The following GRIK2 variants were observed in gnomAD, a reference collection of about 807,000 sequenced individuals.
GRIK2 encodes glutamate receptor ionotropic, kainate 2.
Under a neutral mutation model 100.3 loss-of-function variants are expected in GRIK2, and 32 were observed. The observed-to-expected ratio is 0.32, with a 90% confidence interval of 0.24 to 0.43. The LOEUF (loss-of-function observed/expected upper bound fraction) is 0.43. Among genes scored for constraint, GRIK2 ranks in the 20% least tolerant of loss-of-function variants. The pLI, the probability that GRIK2 is intolerant of heterozygous loss-of-function variation, is 1.00. For missense variants in GRIK2, 843 were observed against 1,114.9 expected, an observed-to-expected ratio of 0.76 and a Z score of 3.47; for synonymous variants, 417 against 389.4, an observed-to-expected ratio of 1.07 and a Z score of -0.83.
chr6:101,471,913 C>A (rs1169583084), intron 2 of GRIK2, among the ~76,000 whole-genome samples: 3 of 151,800 alleles, frequency 2.0e-5, no homozygotes, highest in Non-Finnish European at 2.9e-5. Flanking sequence ...ATATATTAAG[C>A]ATTCAAGATG....
intron 10 of GRIK2, among the ~76,000 whole-genome samples, chr6:101,836,091 C>T (rs1178502753): frequency 2.0e-5 from 3 of 151,476 alleles, no homozygotes; most frequent in Non-Finnish European, 4.4e-5. Flanking sequence ...AGGCATTACT[C>T]CATTGCCTTT....
intron 4 of GRIK2, among the ~76,000 whole-genome samples, chr6:101,633,795 G>A (rs1426915743): frequency 6.6e-6 from 1 of 152,048 alleles, no homozygotes; most frequent in African/African-American, 2.4e-5. Context: ...GAAAGAAACA[G>A]AAGAAACACG....
chr6:102,034,116 T>C (rs1770138453), intron 14 of GRIK2, among the ~76,000 whole-genome samples: 1 of 151,266 alleles, frequency 6.6e-6, no homozygotes, highest in African/African-American at 2.4e-5. Flanking sequence ...ATGTTCAGTG[T>C]TTCACTGGGG....
At chr6:101,402,258 A>C (rs1027275209) in intron 2 of GRIK2, among the ~76,000 whole-genome samples, 7 of 152,020 alleles carry the variant, frequency 4.6e-5, no homozygotes, top group Non-Finnish European at 8.8e-5. Context: ...ACACACACAC[A>C]TTCTCTCACA....
intron 12 of GRIK2, among the ~76,000 whole-genome samples, chr6:101,898,065 TAAAGAG>T (rs1787589148): frequency 6.6e-6 from 1 of 151,868 alleles, no homozygotes; most frequent in South Asian, 2.1e-4. Context: ...TTGAGAACTA[TAAAGAG>T]ATTCATTTAT....
At position 101,816,695 on chromosome 6, in the gene GRIK2, T is replaced by C. The variant is rs191687829; in HGVS notation, c.1204-1675T>C. On this transcript the variant is annotated intron_variant, in intron 9 of 16. Coordinates refer to ENST00000369134, the MANE Select transcript of GRIK2 (RefSeq NM_021956.5). ...ACAGAGCAAGACTCCATCTCAAAAA[T>C]AGATAAATAAATAAATTAATTAATT... Among the ~76,000 whole-genome samples the C allele has an allele frequency of 2.9e-3, 446 of 151,890 alleles. 3 individuals are homozygous for C. Among genetic ancestry groups the C allele is most frequent in the South Asian group, 7.1e-3 (34 of 4,812 alleles).
intron 2 of GRIK2, among the ~76,000 whole-genome samples, chr6:101,436,683 T>C (rs1769737969): frequency 6.6e-6 from 1 of 151,922 alleles, no homozygotes; most frequent in African/African-American, 2.4e-5. Flanking sequence ...TATAAATCTT[T>C]TGTAGAACTA....
chr6:101,563,073 T>C (rs1777096049), intron 2 of GRIK2, among the ~76,000 whole-genome samples: 1 of 152,184 alleles, frequency 6.6e-6, no homozygotes, highest in Admixed American at 6.5e-5. Context: ...GAGAATTCCA[T>C]CAGTTTTCAT....
chr6:101,669,802 T>C (rs1476478465), intron 4 of GRIK2, among the ~76,000 whole-genome samples: 2 of 152,134 alleles, frequency 1.3e-5, no homozygotes, highest in Non-Finnish European at 2.9e-5. Flanking sequence ...TTTCTTTTTG[T>C]CAACCATCTT....
intron 7 of GRIK2, among the ~76,000 whole-genome samples, chr6:101,718,050 C>G (rs1774192580): frequency 6.6e-6 from 1 of 151,696 alleles, no homozygotes; most frequent in African/African-American, 2.4e-5. Flanking sequence ...GTATTATACT[C>G]TTGTCTATAC....
At chr6:101,814,808 G>A (rs969435583) in intron 9 of GRIK2, among the ~76,000 whole-genome samples, 1 of 152,114 alleles carries the variant, frequency 6.6e-6, no homozygotes, top group Non-Finnish European at 1.5e-5. Context: ...ATCATTTTGT[G>A]TAGTCATTAT....
chr6:101,659,769 CT>C (rs1220419597), intron 4 of GRIK2, among the ~76,000 whole-genome samples: 1 of 152,124 alleles, frequency 6.6e-6, no homozygotes, highest in African/African-American at 2.4e-5. Flanking sequence ...GATGAAAATT[CT>C]TTTCTTTAAG....
chr6:101,982,217 T>G (rs1793751851), intron 14 of GRIK2, among the ~76,000 whole-genome samples: 2 of 152,012 alleles, frequency 1.3e-5, no homozygotes, highest in Admixed American at 6.6e-5. Context: ...TGCAGATATC[T>G]TGAGTATAGT....
chr6:101,840,350 T>A (rs1783414388), intron 10 of GRIK2, among the ~76,000 whole-genome samples: 1 of 152,210 alleles, frequency 6.6e-6, no homozygotes, highest in East Asian at 1.9e-4. Flanking sequence ...CTGATACTTA[T>A]CGGATTCCCA....
intron 2 of GRIK2, among the ~76,000 whole-genome samples, chr6:101,515,614 G>A (rs1191025083): frequency 6.6e-6 from 1 of 152,072 alleles, no homozygotes; most frequent in Non-Finnish European, 1.5e-5. Context: ...CATTCTTGCA[G>A]GAATAAGGTG....
At chr6:101,812,534 G>GTTATAT (rs3055073) in intron 9 of GRIK2, among the ~76,000 whole-genome samples, 42,056 of 150,502 alleles carry the variant, frequency 0.28, 7,958 homozygotes, top group East Asian at 0.67. Flanking sequence ...ACGTTTATTG[G>GTTATAT]TTATATAACC....
At chr6:101,910,666 A>G (rs1788613892) in intron 12 of GRIK2, among the ~76,000 whole-genome samples, 1 of 151,512 alleles carries the variant, frequency 6.6e-6, no homozygotes, top group African/African-American at 2.4e-5. Flanking sequence ...TCTGTTTTTT[A>G]TTTTATACAA....
chr6:101,978,785 G>T (rs1388148712), intron 14 of GRIK2, among the ~76,000 whole-genome samples: 1 of 151,882 alleles, frequency 6.6e-6, no homozygotes, highest in Non-Finnish European at 1.5e-5. Context: ...CTAATGATCA[G>T]TTTTCTATTC....
intron 14 of GRIK2, among the ~76,000 whole-genome samples, chr6:101,979,175 T>G (rs2128488671): frequency 6.6e-6 from 1 of 152,006 alleles, no homozygotes; most frequent in East Asian, 1.9e-4. Context: ...ACTGAAAGAT[T>G]GTTGGAAAAA....
Sources: allele counts gnomAD v4.1 joint callset (sites outside exome capture counted in the v4.1 genomes callset), GRCh38; gene constraint gnomAD v4.1.1; transcripts MANE v1.5; gene names NCBI Gene and HGNC (gene_info 2026-07-23, HGNC 2026-07-21).